The following RGL2 variants were observed in gnomAD, a reference collection of about 807,000 sequenced individuals.
RGL2 encodes the protein ral guanine nucleotide dissociation stimulator like 2.
Under a neutral mutation model 84.6 loss-of-function variants are expected in RGL2, and 40 were observed. The observed-to-expected ratio is 0.47, with a 90% CI of 0.37 to 0.62. RGL2 has a LOEUF of 0.62. RGL2 is among the 20% of genes least tolerant of loss of function. The pLI, the probability that RGL2 is intolerant of heterozygous loss-of-function variation, is 0.00. For synonymous variants in RGL2, 369 were observed against 417.3 expected (o/e 0.88, Z 1.41); for missense variants, 865 against 1,019.7 (o/e 0.85, Z 2.07).
At chr6:33,299,627 A>C (rs1768388244), upstream of RGL2, 2 of 152,232 alleles carry the variant, frequency 1.3e-5, no homozygotes, top group Non-Finnish European at 1.5e-5. The surrounding 1 kb of genome is among the most constrained non-coding windows in gnomAD (Gnocchi z 5.0). Context: ...GTTCAGGGTC[A>C]CTGGAAGGGA....
At position 33,293,581 on chromosome 6, in the gene RGL2, C is replaced by A; in HGVS notation, c.1604+23G>T. On this transcript the variant is annotated intron_variant, in intron 14 of 17. Coordinates refer to ENST00000497454, the MANE Select transcript of RGL2 (RefSeq NM_004761.5). The surrounding 1 kb of genome is among the most constrained non-coding windows in gnomAD (Gnocchi z 7.0). ...AAAAGTGGAAGTCCCAAGAAACCAC[C>A]CCCCAGCCAGTGAATCTCTCACTCT... 6.2e-7 allele frequency: 1 copy of A among 1,613,000 alleles called. No homozygotes were observed. Among genetic ancestry groups the A allele is most frequent in the Non-Finnish European group, 8.5e-7 (1 of 1,179,296 alleles).
chr6:33,293,209 G>A lies in RGL2; in HGVS notation c.1814C>T (p.Ala605Val). 2 of 1,571,876 alleles carry A rather than the reference G, an allele frequency of 1.3e-6. No individual in the cohort carries two copies. The highest frequency in any genetic ancestry group is 1.7e-6 in the Non-Finnish European group (2 of 1,161,310). Residue 605 changes from alanine (A) to valine (V), a missense_variant, in exon 16 of 18, where the codon GCC becomes GTC. Ala to Val is a moderately conservative substitution (Grantham distance 64). Around this residue, in one of 5 missense-constraint regions of RGL2, gnomAD observed 302 missense variants for 327.9 expected, o/e 0.92. Coordinates refer to ENST00000497454, the MANE Select transcript of RGL2 (RefSeq NM_004761.5). The surrounding 1 kb of genome is among the most constrained non-coding windows in gnomAD (Gnocchi z 7.0). ...PADPSHLSPP[A>V]SSPRPSRGHR... ...ACCTCGAGAAGGCCTAGGGGAGGAG[G>A]CTGGTGGGGAGAGGTGGCTGGGGTC...
rs374651308 is a variant in RGL2 at position 33,293,343 on chromosome 6, G to A, written c.1717-37C>T. ...CAACATGGGACTGGCATGAAGGCAGGGAGGTTTAAGGAAGAAACATTTACA... is the reference window on the plus strand; with the variant it reads ...CAACATGGGACTGGCATGAAGGCAGAGAGGTTTAAGGAAGAAACATTTACA... On this transcript the variant is annotated intron_variant, in intron 15 of 17. Coordinates refer to ENST00000497454, the MANE Select transcript of RGL2 (RefSeq NM_004761.5). The surrounding 1 kb of genome is among the most constrained non-coding windows in gnomAD (Gnocchi z 7.0). 6.4e-7 allele frequency: 1 copy of A among 1,574,360 alleles called. No individual in the cohort carries two copies. The highest frequency in any genetic ancestry group is 1.9e-5 in the Admixed American group (1 of 53,746).
chr6:33,298,526 C>A lies in RGL2; in HGVS notation c.85G>T (p.Glu29Ter). Residue 29 changes from glutamate (E) to a stop codon, truncating the protein, a stop_gained, in exon 2 of 18, where the codon GAA (glutamate) becomes TAA (stop). Coordinates refer to ENST00000497454, the MANE Select transcript of RGL2 (RefSeq NM_004761.5). LOFTEE classifies it high-confidence loss of function. This position sits in a 1 kb window ranked among gnomAD's most constrained non-coding sequence, Gnocchi z 4.8. ...VLSSFRSRDP[E>*]EGGGPGGLVV... is the part of the protein sequence containing the mutation. The stretch of plus-strand genomic sequence containing the variant: ...AGGCCACCTGGGCCCCCACCCTCTT[C>A]GGGGTCCCGGCTTCGGAAGCTGCTC... 1.3e-6 allele frequency: 2 copies of A among 1,505,780 alleles called. No homozygotes were observed. Among genetic ancestry groups the A allele is most frequent in the Non-Finnish European group, 1.8e-6 (2 of 1,128,810 alleles). 93.3% of individuals were successfully genotyped at this position (1,505,780 alleles called of 1,614,324 possible).
At position 33,294,325 on chromosome 6, in the gene RGL2, C is replaced by T. The variant is rs1384572424; in HGVS notation, c.1354-259G>A. ...TGAGAGGACTGGATAGTATCCAATT[C>T]GACAGGATTCCTTATCCAGAGAGGA... is the stretch of plus-strand genomic sequence containing the variant. On this transcript the variant is annotated intron_variant, in intron 11 of 17. Transcript: ENST00000497454. The surrounding 1 kb of genome is among the most constrained non-coding windows in gnomAD (Gnocchi z 5.0). Among the ~76,000 whole-genome samples, 6 of 151,994 alleles carry T rather than the reference C, an allele frequency of 3.9e-5. No homozygotes were observed. Among genetic ancestry groups the T allele is most frequent in the African/African-American group, 1.2e-4 (5 of 41,388 alleles).
Position 33,293,303 on chromosome 6 carries a change from T to A in RGL2, c.1720A>T (p.Met574Leu), listed in dbSNP as rs762428773. The A allele has an allele frequency of 1.3e-6, 2 of 1,552,330 alleles. No homozygotes were observed. Among genetic ancestry groups the A allele is most frequent in the East Asian group, 4.5e-5 (2 of 44,480 alleles). The change falls in exon 16 of 18, where the codon ATG becomes TTG. Residue 574 changes from methionine to leucine, a missense_variant. Physicochemically the swap from Met to Leu is conservative, Grantham distance 15. This residue lies in a region of RGL2 where 302 missense variants were observed against 327.9 expected (regional missense o/e 0.92). Coordinates refer to ENST00000497454, the MANE Select transcript of RGL2 (RefSeq NM_004761.5). This position sits in a 1 kb window ranked among gnomAD's most constrained non-coding sequence, Gnocchi z 7.0. ...AGTGACGAGACAGATGGCCACTTCA[T>A]GTGCTAGGAACAAACAACATGGGAC... ...APLLTRLAQH[M>L]KWPSVSSLDS...
At position 33,297,668 on chromosome 6, in the gene RGL2, C is replaced by T. The variant is rs1562669683; in HGVS notation, c.157-553G>A. ...CCCCCGAAGGTAGCAGCTCCAATCCCAGTACAGGAAGGAAAAGGGGAAGTG... is the reference window on the plus strand; with the variant it reads ...CCCCCGAAGGTAGCAGCTCCAATCCTAGTACAGGAAGGAAAAGGGGAAGTG... On this transcript the variant is annotated intron_variant, in intron 2 of 17. Coordinates refer to ENST00000497454, the MANE Select transcript of RGL2 (RefSeq NM_004761.5). The surrounding 1 kb of genome is among the most constrained non-coding windows in gnomAD (Gnocchi z 4.0). 6.5e-6 allele frequency: 1 copy of T among 153,054 alleles called. No homozygotes were observed. Among genetic ancestry groups the T allele is most frequent in the African/African-American group, 2.4e-5 (1 of 41,440 alleles). The allele number at this position is 153,054 out of a possible 1,614,324, so 9.5% of individuals were successfully genotyped here. A position where few individuals can be genotyped will look rare whatever the true frequency, so the allele number is the denominator to read the frequency against.
Position 33,294,569 on chromosome 6 carries a change from G to T in RGL2, c.1353+119C>A. The T allele has an allele frequency of 9.7e-7, 1 of 1,032,566 alleles. No individual in the cohort carries two copies. The highest frequency in any genetic ancestry group is 1.4e-6 in the Non-Finnish European group (1 of 695,142). The allele number at this position is 1,032,566 out of a possible 1,614,324, so 64.0% of individuals were successfully genotyped here. The stretch of plus-strand genomic sequence containing the variant: ...GCGACTTGGCACAGAAACAGATCTG[G>T]CTCTGTCCCACACTCAGCTATTTGT... On this transcript the variant is annotated intron_variant, in intron 11 of 17. Transcript: ENST00000497454. This position sits in a 1 kb window ranked among gnomAD's most constrained non-coding sequence, Gnocchi z 5.0.
Position 33,296,757 on chromosome 6 carries a change from C to T in RGL2, c.260G>A (p.Arg87His), listed in dbSNP as rs562018570. The T allele has an allele frequency of 1.9e-5, 30 of 1,613,926 alleles. No homozygotes were observed. In the South Asian group the frequency reaches 2.0e-4, roughly 11 times the overall value. Residue 87 changes from arginine to histidine, a missense_variant, in exon 4 of 18, where the codon CGT becomes CAT. Arg to His is a conservative substitution (Grantham distance 29). Transcript: ENST00000497454. This position sits in a 1 kb window ranked among gnomAD's most constrained non-coding sequence, Gnocchi z 5.0. ...LDPLVPMPPP[R>H]SSRRLRAGTL... ...GCCAGCTCGGAGCCGTCGGGAGGAACGTGGGGGAGGCATAGGGACCTGGAG... is the reference window on the plus strand; with the variant it reads ...GCCAGCTCGGAGCCGTCGGGAGGAATGTGGGGGAGGCATAGGGACCTGGAG...
At position 33,296,170 on chromosome 6, in the gene RGL2, C is replaced by A; in HGVS notation, c.626G>T (p.Arg209Leu). 1.9e-6 allele frequency: 3 copies of A among 1,613,884 alleles called. No homozygotes were observed. Among genetic ancestry groups the A allele is most frequent in the Non-Finnish European group, 2.5e-6 (3 of 1,179,948 alleles). The change falls in exon 6 of 18, where the codon CGC (arginine) becomes CTC (leucine). Residue 209 changes from arginine to leucine, a missense_variant. Physicochemically the swap from Arg to Leu is moderately radical, Grantham distance 102. Transcript: ENST00000497454. The surrounding 1 kb of genome is among the most constrained non-coding windows in gnomAD (Gnocchi z 5.0). ...GGGGTCCACCCGGGACCGGAGATTG[C>A]GGATGAGGTCAGCGCTGCCCCCCCC... is the stretch of plus-strand genomic sequence containing the variant. ...GVGGGSADLI[R>L]NLRSRVDPQA... is the part of the protein sequence containing the mutation.
upstream of RGL2, chr6:33,301,226 C>T (rs1768552571): frequency 6.6e-6 from 1 of 152,534 alleles, no homozygotes; most frequent in South Asian, 2.0e-4. Flanking sequence ...TTTTGAGAAC[C>T]ACTGTCCTAG....
chr6:33,292,079 T>C lies in RGL2; in HGVS notation c.*23A>G. ...CATCTGGTATGAACACCATGACTTCTGTAAGCCAACGGGGCTTCCTCCTCA... is the reference window on the plus strand; with the variant it reads ...CATCTGGTATGAACACCATGACTTCCGTAAGCCAACGGGGCTTCCTCCTCA... On this transcript the variant is annotated 3_prime_UTR_variant, in exon 18 of 18. Transcript: ENST00000497454. 1 of 1,613,452 alleles carries C rather than the reference T, an allele frequency of 6.2e-7. No individual in the cohort carries two copies. The highest frequency in any genetic ancestry group is 1.3e-5 in the African/African-American group (1 of 75,046).
Position 33,298,261 on chromosome 6 carries a change from G to A in RGL2, c.156+194C>T, listed in dbSNP as rs532993236. 3.8e-6 allele frequency: 2 copies of A among 519,896 alleles called. No individual in the cohort carries two copies. The highest frequency in any genetic ancestry group is 4.1e-5 in the African/African-American group (2 of 49,212). 32.2% of individuals were successfully genotyped at this position (519,896 alleles called of 1,614,324 possible). On this transcript the variant is annotated intron_variant, in intron 2 of 17. Coordinates refer to ENST00000497454, the MANE Select transcript of RGL2 (RefSeq NM_004761.5). This position sits in a 1 kb window ranked among gnomAD's most constrained non-coding sequence, Gnocchi z 4.8. ...GGCAGGAACAGGGCAGGTTCCTGCG[G>A]GCAGGTCCTGAGTCACACTGACAGA...
upstream of RGL2, among the ~76,000 whole-genome samples, chr6:33,299,502 A>C (rs926190462): frequency 6.6e-6 from 1 of 152,058 alleles, no homozygotes; most frequent in Non-Finnish European, 1.5e-5. This position sits in a 1 kb window ranked among gnomAD's most constrained non-coding sequence, Gnocchi z 5.0. Flanking sequence ...GCCGAGACCG[A>C]GATCCCCGTC....
Position 33,296,821 on chromosome 6 carries a change from G to A in RGL2, c.241-45C>T. ...GATCGCTAACCCTTTCTCCCACTCT[G>A]CACCTAGATTTCTGAGGACAATCCC... On this transcript the variant is annotated intron_variant, in intron 3 of 17. Transcript: ENST00000497454. The surrounding 1 kb of genome is among the most constrained non-coding windows in gnomAD (Gnocchi z 5.0). 1.2e-6 allele frequency: 2 copies of A among 1,609,974 alleles called. No homozygotes were observed. Among genetic ancestry groups the A allele is most frequent in the Non-Finnish European group, 1.7e-6 (2 of 1,176,332 alleles).
upstream of RGL2, chr6:33,301,497 C>A: frequency 2.1e-6 from 1 of 477,204 alleles, no homozygotes; most frequent in Non-Finnish European, 3.7e-6. Context: ...TTGCTTGAAC[C>A]CAGGAGGCGG....
At position 33,294,699 on chromosome 6, in the gene RGL2, C is replaced by G. The variant is rs773637456; in HGVS notation, c.1342G>C (p.Asp448His). The G allele has an allele frequency of 6.8e-6, 11 of 1,613,964 alleles. No homozygotes were observed. Among genetic ancestry groups the G allele is most frequent in the Non-Finnish European group, 9.3e-6 (11 of 1,180,016 alleles). The part of the protein sequence containing the change: ...DLVMLDAASK[D>H]ELENGYINFD... ...CACACACCACTGACCTCCAACTCATCCTTGGAGGCTGCATCCAGCATCACA... is the reference window on the plus strand; with the variant it reads ...CACACACCACTGACCTCCAACTCATGCTTGGAGGCTGCATCCAGCATCACA... The change falls in exon 11 of 18, where the codon GAT becomes CAT. Residue 448 changes from aspartate to histidine, a missense_variant. This residue lies in a region of RGL2 where 75 missense variants were observed against 130.8 expected (regional missense o/e 0.57). Coordinates refer to ENST00000497454, the MANE Select transcript of RGL2 (RefSeq NM_004761.5). The surrounding 1 kb of genome is among the most constrained non-coding windows in gnomAD (Gnocchi z 5.0).
In RGL2 at chr6:33,294,620, G is replaced by A. The variant is rs569302557; in HGVS notation, c.1353+68C>T. ...GCCTTACAGCCCCTTGCAAGGGGCGGGGGGGTCTGTCCGACCCTGCAGCCC... is the reference window on the plus strand; with the variant it reads ...GCCTTACAGCCCCTTGCAAGGGGCGAGGGGGTCTGTCCGACCCTGCAGCCC... On this transcript the variant is annotated intron_variant, in intron 11 of 17. Coordinates refer to ENST00000497454, the MANE Select transcript of RGL2 (RefSeq NM_004761.5). The surrounding 1 kb of genome is among the most constrained non-coding windows in gnomAD (Gnocchi z 5.0). 3.2e-6 allele frequency: 5 copies of A among 1,566,178 alleles called. No individual in the cohort carries two copies. In the South Asian group the frequency reaches 4.5e-5, roughly 14 times the overall value.
upstream of RGL2, chr6:33,299,320 G>A (rs1768335478): frequency 6.6e-6 from 1 of 152,244 alleles, no homozygotes; most frequent in South Asian, 2.1e-4. The surrounding 1 kb of genome is among the most constrained non-coding windows in gnomAD (Gnocchi z 5.0). Context: ...CGGAGAGAGA[G>A]CCGGTCACTC....
Sources: allele counts gnomAD v4.1 joint callset (sites outside exome capture counted in the v4.1 genomes callset), GRCh38; gene constraint gnomAD v4.1.1; regional missense constraint gnomAD v4.1.1; non-coding constraint Gnocchi (gnomAD v3.1); transcripts MANE v1.5; gene names NCBI Gene and HGNC (gene_info 2026-07-23, HGNC 2026-07-21).